The following MKLN1 variants were observed in gnomAD, a reference collection of about 807,000 sequenced individuals.
MKLN1 encodes the protein muskelin.
A neutral mutation model predicts 99.0 loss-of-function variants in MKLN1; 18 were observed. The ratio of observed to expected loss-of-function variants is 0.18; its 90% CI spans 0.13 to 0.27. The LOEUF is 0.27. MKLN1 is among the 10% of genes least tolerant of loss of function. The pLI is 1.00. For synonymous variants in MKLN1, 288 were observed against 293.2 expected, an observed-to-expected ratio of 0.98 and a Z score of 0.18; for missense variants, 621 against 875.9, an observed-to-expected ratio of 0.71 and a Z score of 3.67.
chr7:131,118,553 CAAA>C (rs35721483), intron 1 of MKLN1, among the ~76,000 whole-genome samples: 3 of 143,436 alleles, frequency 2.1e-5, no homozygotes, highest in Non-Finnish European at 3.1e-5. Flanking sequence ...AACTCTGTCT[CAAA>C]AAAAAAAAAA....
At chr7:131,226,417 C>T (rs572940887) in intron 3 of MKLN1, among the ~76,000 whole-genome samples, 114 of 152,318 alleles carry the variant, frequency 7.5e-4, no homozygotes, top group African/African-American at 2.7e-3. Flanking sequence ...CTTTCAGAGC[C>T]GTGACAGCCT....
intron 1 of MKLN1, among the ~76,000 whole-genome samples, chr7:131,330,228 C>T (rs374499812): frequency 6.6e-6 from 1 of 152,182 alleles, no homozygotes; most frequent in African/African-American, 2.4e-5. Context: ...ATTGTTGTAT[C>T]TTTACTGGCA....
At chr7:131,255,789 C>T (rs150708267) in intron 3 of MKLN1, among the ~76,000 whole-genome samples, 2,858 of 152,168 alleles carry the variant, frequency 0.019, 34 homozygotes, top group Non-Finnish European at 0.03. Flanking sequence ...CTGTGTTGGC[C>T]AGGCTGGTCT....
At chr7:131,242,612 T>C (rs1027266832) in intron 3 of MKLN1, 5 of 501,906 alleles carry the variant, frequency 1.0e-5, no homozygotes, top group South Asian at 7.4e-5. Flanking sequence ...TCATGAAACC[T>C]GGGACGGTGG....
intron 2 of MKLN1, among the ~76,000 whole-genome samples, chr7:131,150,739 C>T (rs1795877405): frequency 6.6e-6 from 1 of 151,846 alleles, no homozygotes; most frequent in Non-Finnish European, 1.5e-5. Context: ...CTAAATCTAC[C>T]CATGATTTCT....
chr7:131,351,382 T>G (rs1431693780), intron 1 of MKLN1, among the ~76,000 whole-genome samples: 2 of 152,246 alleles, frequency 1.3e-5, no homozygotes, highest in Admixed American at 1.3e-4. Context: ...CAGTTGTTTC[T>G]ATGGTGGCAT....
At chr7:131,386,051 T>C (rs1216115403) in intron 2 of MKLN1, among the ~76,000 whole-genome samples, 1 of 150,886 alleles carries the variant, frequency 6.6e-6, no homozygotes, top group Non-Finnish European at 1.5e-5. Flanking sequence ...TCTTACTCTG[T>C]TACTCAAGCT....
intron 9 of MKLN1, among the ~76,000 whole-genome samples, chr7:131,435,916 C>T (rs923803914): frequency 6.6e-6 from 1 of 151,538 alleles, no homozygotes; most frequent in South Asian, 2.1e-4. Flanking sequence ...TGGCATATAA[C>T]TTGGTCATCA....
intron 1 of MKLN1, among the ~76,000 whole-genome samples, chr7:131,121,500 T>C (rs907188059): frequency 2.0e-5 from 3 of 151,632 alleles, no homozygotes; most frequent in Non-Finnish European, 4.4e-5. Flanking sequence ...TAGCTGGGTG[T>C]GGTGGCGGGT....
rs561788506 is a variant in MKLN1 at position 131,342,874 on chromosome 7, T to C, written c.98+14877T>C. On this transcript the variant is annotated intron_variant, in intron 1 of 17. Transcript: ENST00000352689. ...ATATTTTTATTGCTATATAGTGGTA[T>C]TATGGCTTTTGAAATTCCTATTTTT... Among the ~76,000 whole-genome samples the C allele has an allele frequency of 2.0e-5, 3 of 152,366 alleles. No individual in the cohort carries two copies. In the East Asian group the frequency reaches 5.8e-4, roughly 29 times the overall value.
At chr7:131,197,971 ACAACAGGCC>A (rs1796673764) in intron 2 of MKLN1, among the ~76,000 whole-genome samples, 1 of 152,116 alleles carries the variant, frequency 6.6e-6, no homozygotes. Flanking sequence ...AGTAGCTGGG[ACAACAGGCC>A]CACACCACCA....
At chr7:131,437,024 T>G (rs1303122133) in intron 9 of MKLN1, among the ~76,000 whole-genome samples, 1 of 152,178 alleles carries the variant, frequency 6.6e-6, no homozygotes, top group African/African-American at 2.4e-5. Context: ...CTTGCTAGGC[T>G]TGTATTTTCT....
chr7:131,331,939 A>G (rs1799088827), intron 1 of MKLN1, among the ~76,000 whole-genome samples: 1 of 152,178 alleles, frequency 6.6e-6, no homozygotes, highest in African/African-American at 2.4e-5. Context: ...AATTTAGATG[A>G]TAAAATCTGA....
chr7:131,146,328 C>T (rs1024535805), intron 2 of MKLN1, among the ~76,000 whole-genome samples: 3 of 152,060 alleles, frequency 2.0e-5, no homozygotes, highest in South Asian at 2.1e-4. Flanking sequence ...GGCATCAGAG[C>T]GAGACATTGT....
chr7:131,294,399 T>C (rs755545885), intron 3 of MKLN1, among the ~76,000 whole-genome samples: 1 of 149,906 alleles, frequency 6.7e-6, no homozygotes, highest in Non-Finnish European at 1.5e-5. Flanking sequence ...TAATAATTGG[T>C]GAATCTAGGT....
chr7:131,303,498 T>C (rs1324894614), intron 3 of MKLN1, among the ~76,000 whole-genome samples: 1 of 152,228 alleles, frequency 6.6e-6, no homozygotes, highest in Non-Finnish European at 1.5e-5. Flanking sequence ...AAGGTTATGC[T>C]TGAAGAAATA....
intron 1 of MKLN1, among the ~76,000 whole-genome samples, chr7:131,345,528 G>A (rs1466304301): frequency 6.6e-6 from 1 of 152,108 alleles, no homozygotes; most frequent in East Asian, 1.9e-4. Flanking sequence ...AATAGCTTGG[G>A]TAACATAGCG....
chr7:131,142,314 A>G (rs1194075812), intron 1 of MKLN1, among the ~76,000 whole-genome samples: 7 of 151,460 alleles, frequency 4.6e-5, no homozygotes, highest in Admixed American at 4.6e-4. Flanking sequence ...GGGGGGCTGA[A>G]GCAAGAGAAT....
intron 3 of MKLN1, among the ~76,000 whole-genome samples, chr7:131,211,136 C>A (rs1417177174): frequency 6.6e-6 from 1 of 152,062 alleles, no homozygotes; most frequent in African/African-American, 2.4e-5. Context: ...ACCCAGGGAA[C>A]TATAAGTAGG....
Sources: allele counts gnomAD v4.1 joint callset (sites outside exome capture counted in the v4.1 genomes callset), GRCh38; gene constraint gnomAD v4.1.1; transcripts MANE v1.5; gene names NCBI Gene and HGNC (gene_info 2026-07-23, HGNC 2026-07-21).